The following AK8 variants were observed in gnomAD, a reference collection of about 807,000 sequenced individuals.
AK8 encodes the protein ATP-AMP transphosphorylase 8.
A neutral mutation model predicts 54.6 loss-of-function variants in AK8; 44 were observed. The ratio of observed to expected loss-of-function variants is 0.81; its 90% CI spans 0.63 to 1.04. AK8 has a LOEUF of 1.04. Ranked by LOEUF, AK8 falls within the 50% of genes least tolerant of loss-of-function variation. The pLI, the probability that AK8 is intolerant of heterozygous loss-of-function variation, is 0.00. For missense variants in AK8, 555 were observed against 613.6 expected, an observed-to-expected ratio of 0.90 and a Z score of 1.01; for synonymous variants, 239 against 245.6, an observed-to-expected ratio of 0.97 and a Z score of 0.25.
intron 5 of AK8, among the ~76,000 whole-genome samples, chr9:132,839,596 C>G (rs760100183): frequency 6.6e-6 from 1 of 152,078 alleles, no homozygotes; most frequent in Admixed American, 6.6e-5. Flanking sequence ...TCAGCAGCAC[C>G]GGGGAGGATG....
chr9:132,782,543 G>C (rs1472978548), intron 11 of AK8, among the ~76,000 whole-genome samples: 1 of 152,110 alleles, frequency 6.6e-6, no homozygotes, highest in Non-Finnish European at 1.5e-5. Context: ...TACAAAATTA[G>C]CTGGGCATGG....
intron 11 of AK8, among the ~76,000 whole-genome samples, chr9:132,757,758 T>C (rs1838259716): frequency 6.6e-6 from 1 of 152,170 alleles, no homozygotes; most frequent in South Asian, 2.1e-4. Context: ...ATTACTGAAA[T>C]ACTCTATCTG....
At position 132,767,432 on chromosome 9, in the gene AK8, G is replaced by C. The variant is rs889492188; in HGVS notation, c.1121+25202C>G. Among the ~76,000 whole-genome samples, 5 of 152,004 alleles carry C rather than the reference G, an allele frequency of 3.3e-5. 2 individuals carry two copies. ...ATATCATCTCACCCCAGTTAAAATA[G>C]CTATTAGCAAAAATTGAAAAAAAAA... On this transcript the variant is annotated intron_variant, in intron 11 of 12. Transcript: ENST00000298545.
intron 6 of AK8, 54 bp downstream of exon 6, chr9:132,828,591 C>T (rs1472715545): frequency 1.3e-6 from 2 of 1,525,402 alleles, no homozygotes; most frequent in Admixed American, 1.9e-5. Flanking sequence ...CGCTCACTGG[C>T]CACCCCTTGG....
At chr9:132,817,979 G>A (rs1486237259) in intron 9 of AK8, among the ~76,000 whole-genome samples, 1 of 152,340 alleles carries the variant, frequency 6.6e-6, no homozygotes, top group East Asian at 1.9e-4. Flanking sequence ...CAGGGGGAGT[G>A]CTTCACATGC....
chr9:132,735,958 A>G (rs1451815915), intron 11 of AK8, among the ~76,000 whole-genome samples: 2 of 152,220 alleles, frequency 1.3e-5, no homozygotes, highest in Non-Finnish European at 2.9e-5. Context: ...ATAGCCTACC[A>G]CACAACTAGG....
intron 3 of AK8, among the ~76,000 whole-genome samples, chr9:132,865,998 T>C (rs1843579793): frequency 6.6e-6 from 1 of 150,966 alleles, no homozygotes; most frequent in Non-Finnish European, 1.5e-5. Flanking sequence ...AGGAGTCCAA[T>C]ACCAGCCTGG....
intron 2 of AK8, among the ~76,000 whole-genome samples, chr9:132,871,775 A>G (rs1169271123): frequency 6.6e-6 from 1 of 152,192 alleles, no homozygotes; most frequent in Non-Finnish European, 1.5e-5. Flanking sequence ...GGCGCTAAGG[A>G]GGGTGGGAGG....
rs1411450583 is a variant in AK8, at chr9:132,806,633, G to T, written c.979+8005C>A. Among the ~76,000 whole-genome samples the T allele has an allele frequency of 2.0e-5, 3 of 152,176 alleles. No homozygotes were observed. The East Asian group carries it at 5.8e-4, about 29-fold the overall frequency. On this transcript the variant is annotated intron_variant, in intron 10 of 12. Coordinates refer to ENST00000298545, the MANE Select transcript of AK8 (RefSeq NM_152572.3). ...TTGTCTTTCAACTCAGCAACTCTTTGCAAGTTTTTAACAAAAGAGAAAAAC... is the reference window on the plus strand; with the variant it reads ...TTGTCTTTCAACTCAGCAACTCTTTTCAAGTTTTTAACAAAAGAGAAAAAC...
chr9:132,787,209 GA>G (rs535740649), intron 11 of AK8, among the ~76,000 whole-genome samples: 4 of 152,092 alleles, frequency 2.6e-5, no homozygotes, highest in African/African-American at 9.7e-5. Flanking sequence ...GAAAAAAGGG[GA>G]AAAAATCATT....
chr9:132,815,088 T>C (rs918048955), intron 9 of AK8, among the ~76,000 whole-genome samples: 4 of 152,224 alleles, frequency 2.6e-5, no homozygotes, highest in Non-Finnish European at 5.9e-5. Flanking sequence ...CTGCGGAGGA[T>C]CAGCGTTCTG....
At chr9:132,734,463 A>T (rs1564371887) in intron 11 of AK8, among the ~76,000 whole-genome samples, 1 of 152,146 alleles carries the variant, frequency 6.6e-6, no homozygotes, top group Non-Finnish European at 1.5e-5. Context: ...CTCACTGGGT[A>T]TGGTACTCAC....
chr9:132,829,094 T>C (rs1842003443), intron 5 of AK8, among the ~76,000 whole-genome samples: 1 of 151,992 alleles, frequency 6.6e-6, no homozygotes, highest in Non-Finnish European at 1.5e-5. Context: ...GTAGCTGGGA[T>C]TATAAGCATG....
intron 5 of AK8, among the ~76,000 whole-genome samples, chr9:132,853,647 AT>A (rs1474018116): frequency 6.6e-6 from 1 of 151,878 alleles, no homozygotes; most frequent in Non-Finnish European, 1.5e-5. Flanking sequence ...TTAGCTGGGC[AT>A]GGTGGCACAC....
chr9:132,829,357 C>A (rs62576258), intron 5 of AK8, among the ~76,000 whole-genome samples: 44 of 152,096 alleles, frequency 2.9e-4, no homozygotes, highest in African/African-American at 1.0e-3. Flanking sequence ...TGTGCAATGT[C>A]CCACCAAGAG....
At chr9:132,817,302 T>C (rs1476876509) in intron 9 of AK8, among the ~76,000 whole-genome samples, 2 of 152,118 alleles carry the variant, frequency 1.3e-5, no homozygotes, top group Non-Finnish European at 2.9e-5. Context: ...CCTTCAAAAA[T>C]GTGAGAAACA....
chr9:132,843,856 T>C (rs1198559272), intron 5 of AK8, among the ~76,000 whole-genome samples: 2 of 152,162 alleles, frequency 1.3e-5, no homozygotes, highest in African/African-American at 2.4e-5. Context: ...GAATATATCA[T>C]GGTAATGAAA....
intron 11 of AK8, among the ~76,000 whole-genome samples, chr9:132,760,959 C>T (rs1295268870): frequency 6.6e-6 from 1 of 152,098 alleles, no homozygotes; most frequent in Non-Finnish European, 1.5e-5. Context: ...AGGATTGTGG[C>T]AACTATATTT....
At chr9:132,776,029 C>A (rs1242145780) in intron 11 of AK8, among the ~76,000 whole-genome samples, 2 of 152,244 alleles carry the variant, frequency 1.3e-5, no homozygotes, top group South Asian at 2.1e-4. Context: ...GAGAAAGCAG[C>A]AGCACCGGCC....
Sources: gnomAD v4.1 joint callset for allele counts (sites outside exome capture counted in the v4.1 genomes callset) on GRCh38, gnomAD v4.1.1 for gene constraint, MANE v1.5 for transcripts, NCBI Gene and HGNC (gene_info 2026-07-23, HGNC 2026-07-21) for gene names.